CUL4A: variants seen among roughly 807,000 people sequenced by gnomAD.
CUL4A encodes cullin-4A.
In CUL4A, 16 loss-of-function variants were observed where a neutral mutation model predicts 95.5. The ratio of observed to expected loss-of-function variants is 0.17; its 90% CI spans 0.11 to 0.25. The LOEUF is 0.25. Among genes scored for constraint, CUL4A ranks in the 10% least tolerant of loss-of-function variants. The pLI is 1.00. For missense variants in CUL4A, 610 were observed against 937.0 expected, an observed-to-expected ratio of 0.65 and a Z score of 4.56; for synonymous variants, 380 against 353.1, an observed-to-expected ratio of 1.08 and a Z score of -0.85.
intron 2 of CUL4A, among the ~76,000 whole-genome samples, chr13:113,216,862 C>T (rs923330647): frequency 4.6e-5 from 7 of 152,262 alleles, no homozygotes; most frequent in Non-Finnish European, 1.0e-4. Flanking sequence ...AATATGAAGC[C>T]GGGAGTCCTG....
chr13:113,263,520 A>G lies in CUL4A; in HGVS notation c.2218A>G (p.Ile740Val). The G allele has an allele frequency of 6.2e-7, 1 of 1,608,024 alleles. No individual in the cohort carries two copies. Among genetic ancestry groups the G allele is most frequent in the Non-Finnish European group, 8.5e-7 (1 of 1,177,320 alleles). The change falls in exon 20 of 20, where the codon ATA becomes GTA. Residue 740 changes from isoleucine to valine, a missense_variant. This residue lies in a region of CUL4A where 31 missense variants were observed against 40.3 expected (regional missense o/e 0.77). Coordinates refer to ENST00000375440, the MANE Select transcript of CUL4A (RefSeq NM_001008895.4). ...TTTGAAAAAGAGAATTGAATCTCTG[A>G]TAGACAGAGACTATATGGAGAGAGA... ...GDLKKRIESL[I>V]DRDYMERDKD...
upstream of CUL4A, chr13:113,208,249 C>A (rs1028265921): frequency 1.2e-5 from 17 of 1,442,632 alleles, no homozygotes; most frequent in Middle Eastern, 5.1e-4. Flanking sequence ...CCGCCCACAG[C>A]GGGCCCTCGG....
At position 113,245,245 on chromosome 13, in the gene CUL4A, G is replaced by A; in HGVS notation, c.1530+8G>A. 6.2e-7 allele frequency: 1 copy of A among 1,613,482 alleles called. No individual in the cohort carries two copies. The highest frequency in any genetic ancestry group is 1.3e-5 in the African/African-American group (1 of 75,048). ...ATGGTTCATTTCAAGCAGGTGAGTT[G>A]TGTTTCTTAGGTAAAGCGGCTTTTT... is the stretch of plus-strand genomic sequence containing the variant. On this transcript the variant is annotated splice_region_variant and intron_variant, in intron 14 of 19. Transcript: ENST00000375440.
chr13:113,240,738 C>T (rs184811162), intron 10 of CUL4A, among the ~76,000 whole-genome samples: 1 of 152,168 alleles, frequency 6.6e-6, no homozygotes, highest in African/African-American at 2.4e-5. Flanking sequence ...TTATAAAAGG[C>T]CCCAGGAGGT....
chr13:113,254,664 C>T (rs1286374856), intron 16 of CUL4A, 29 bp from the exon 17 acceptor site: 1 of 1,397,794 alleles, frequency 7.2e-7, no homozygotes, highest in Non-Finnish European at 1.0e-6. Flanking sequence ...TGCACAGCTT[C>T]AGAGGTGTGA....
At chr13:113,242,928 G>A in intron 10 of CUL4A, 40 bp from the exon 11 acceptor site, 1 of 1,526,524 alleles carries the variant, frequency 6.6e-7, no homozygotes, top group South Asian at 1.2e-5. Context: ...GTTTGCTATT[G>A]TAAACATGTT....
chr13:113,221,770 G>T (rs913961203), intron 3 of CUL4A, among the ~76,000 whole-genome samples: 6 of 152,120 alleles, frequency 3.9e-5, no homozygotes, highest in African/African-American at 1.4e-4. Flanking sequence ...TAGAGACGGG[G>T]TTTCACCACA....
chr13:113,243,655 G>T (rs1018985981), intron 11 of CUL4A, among the ~76,000 whole-genome samples: 3 of 151,754 alleles, frequency 2.0e-5, no homozygotes, highest in Non-Finnish European at 4.4e-5. Flanking sequence ...TAGATTGACT[G>T]TTGATTACTG....
chr13:113,258,270 C>T (rs1281117768), intron 18 of CUL4A, among the ~76,000 whole-genome samples: 3 of 152,104 alleles, frequency 2.0e-5, no homozygotes, highest in Non-Finnish European at 2.9e-5. Context: ...GGATTACAGC[C>T]GTGAGCCACC....
chr13:113,243,625 G>A (rs1363879939), intron 11 of CUL4A, among the ~76,000 whole-genome samples: 1 of 151,704 alleles, frequency 6.6e-6, no homozygotes, highest in African/African-American at 2.4e-5. Context: ...GGGGCAAAGA[G>A]AGCTGAAATA....
chr13:113,258,168 T>G (rs1451826978), intron 18 of CUL4A, among the ~76,000 whole-genome samples: 1 of 152,086 alleles, frequency 6.6e-6, no homozygotes, highest in Admixed American at 6.6e-5. Flanking sequence ...TTTTTGTATT[T>G]TTTGTAGAGA....
At chr13:113,244,925 T>C (rs1371652134) in intron 12 of CUL4A, 24 bp from the exon 13 acceptor site, 1 of 1,432,284 alleles carries the variant, frequency 7.0e-7, no homozygotes, top group African/African-American at 1.4e-5. Flanking sequence ...GATGTCTTGA[T>C]TATTCTCGTC....
At chr13:113,208,667 T>C (rs1239265648), upstream of CUL4A, 5 of 1,596,128 alleles carry the variant, frequency 3.1e-6, no homozygotes, top group African/African-American at 2.7e-5. Context: ...CGCCACCCCC[T>C]ACGCCTCAAG....
intron 3 of CUL4A, among the ~76,000 whole-genome samples, chr13:113,225,896 A>T (rs576089771): frequency 6.6e-6 from 1 of 152,176 alleles, no homozygotes; most frequent in African/African-American, 2.4e-5. Flanking sequence ...TAACCATTCA[A>T]CCATTAGGTC....
At chr13:113,238,531 G>A (rs746780869) in intron 9 of CUL4A, among the ~76,000 whole-genome samples, 6 of 151,928 alleles carry the variant, frequency 3.9e-5, no homozygotes, top group Non-Finnish European at 7.4e-5. Flanking sequence ...AAAGAAAATG[G>A]TAAATTATAT....
intron 10 of CUL4A, among the ~76,000 whole-genome samples, chr13:113,241,892 C>T (rs185478881): frequency 3.3e-5 from 5 of 152,176 alleles, no homozygotes; most frequent in Admixed American, 2.0e-4. Flanking sequence ...TCTATTGAGA[C>T]GAATTTTTTA....
At chr13:113,249,422 A>G (rs2041938377) in intron 15 of CUL4A, among the ~76,000 whole-genome samples, 1 of 152,222 alleles carries the variant, frequency 6.6e-6, no homozygotes, top group African/African-American at 2.4e-5. Context: ...GTGCTGCACC[A>G]TACATCAGTG....
upstream of CUL4A, chr13:113,208,591 G>A (rs1183188291): frequency 2.5e-6 from 4 of 1,607,424 alleles, no homozygotes; most frequent in South Asian, 1.1e-5. Flanking sequence ...TCCCCGGCTA[G>A]GACCCACCTG....
At chr13:113,256,543 C>T (rs3861722) in intron 18 of CUL4A, among the ~76,000 whole-genome samples, 152,332 of 152,334 alleles carry the variant, frequency 1, 76,165 homozygotes, top group Non-Finnish European at 1. Context: ...ACCTGTCCTT[C>T]GCTCACCCTG....
Sources: allele counts gnomAD v4.1 joint callset (sites outside exome capture counted in the v4.1 genomes callset), GRCh38; gene constraint gnomAD v4.1.1; regional missense constraint gnomAD v4.1.1; transcripts MANE v1.5; gene names NCBI Gene and HGNC (gene_info 2026-07-23, HGNC 2026-07-21).